MARK3: variants seen among roughly 807,000 people sequenced by gnomAD.
MARK3 encodes the protein MAP/microtubule affinity-regulating kinase 3.
A neutral mutation model predicts 90.1 loss-of-function variants in MARK3; 46 were observed. The ratio of observed to expected loss-of-function variants is 0.51; its 90% CI spans 0.40 to 0.65. The LOEUF (loss-of-function observed/expected upper bound fraction) is 0.65. Among genes scored for constraint, MARK3 ranks in the 30% least tolerant of loss-of-function variants. MARK3 has a pLI of 0.00. For missense variants in MARK3, 818 were observed against 947.2 expected, an observed-to-expected ratio of 0.86 and a Z score of 1.79; for synonymous variants, 321 against 332.6, an observed-to-expected ratio of 0.97 and a Z score of 0.38.
At chr14:103,448,321 G>T (rs1305783047) in intron 3 of MARK3, among the ~76,000 whole-genome samples, 4 of 152,078 alleles carry the variant, frequency 2.6e-5, no homozygotes, top group African/African-American at 9.7e-5. Context: ...ACATGGCCAG[G>T]TCTAATGTCA....
intron 3 of MARK3, among the ~76,000 whole-genome samples, chr14:103,446,120 A>G (rs1175644128): frequency 6.6e-6 from 1 of 152,240 alleles, no homozygotes; most frequent in African/African-American, 2.4e-5. Context: ...ATCCCAGGAA[A>G]GAAGTGAACA....
At chr14:103,471,461 C>G (rs751268761) in intron 12 of MARK3, among the ~76,000 whole-genome samples, 34 of 152,222 alleles carry the variant, frequency 2.2e-4, no homozygotes, top group Non-Finnish European at 4.7e-4. Flanking sequence ...CCTGCTGGTC[C>G]AAGCCCTGTG....
At chr14:103,405,653 A>G (rs1179803109) in intron 2 of MARK3, among the ~76,000 whole-genome samples, 2 of 151,914 alleles carry the variant, frequency 1.3e-5, no homozygotes, top group East Asian at 1.9e-4. Context: ...TATAGCTACT[A>G]TGTATTACAT....
intron 2 of MARK3, among the ~76,000 whole-genome samples, chr14:103,408,188 C>T (rs993182409): frequency 6.6e-5 from 10 of 151,612 alleles, no homozygotes; most frequent in Admixed American, 4.6e-4. Flanking sequence ...TGTTTTTTGG[C>T]GGGGGGGAGG....
chr14:103,473,202 A>G, intron 12 of MARK3, among the ~76,000 whole-genome samples: 1 of 152,176 alleles, frequency 6.6e-6, no homozygotes, highest in African/African-American at 2.4e-5. Context: ...GTAAGAGGGA[A>G]GTGGCTGTGG....
intron 1 of MARK3, among the ~76,000 whole-genome samples, chr14:103,398,069 T>C (rs1357702287): frequency 6.6e-6 from 1 of 152,230 alleles, no homozygotes; most frequent in African/African-American, 2.4e-5. Flanking sequence ...AACTGCTGAA[T>C]AGCAGTGAGA....
At chr14:103,424,414 A>G (rs1037622244) in intron 2 of MARK3, among the ~76,000 whole-genome samples, 11 of 151,010 alleles carry the variant, frequency 7.3e-5, no homozygotes, top group Non-Finnish European at 8.8e-5. Context: ...AGTTCCATCT[A>G]CTCGGGAGGC....
chr14:103,485,348 A>T (rs2093910026), intron 14 of MARK3, among the ~76,000 whole-genome samples: 2 of 142,846 alleles, frequency 1.4e-5, no homozygotes, highest in African/African-American at 5.3e-5. Flanking sequence ...ATCATAGTGT[A>T]CTGTAGCCTT....
intron 2 of MARK3, among the ~76,000 whole-genome samples, chr14:103,426,590 G>C (rs1281929646): frequency 1.3e-5 from 2 of 152,012 alleles, no homozygotes; most frequent in Non-Finnish European, 2.9e-5. Flanking sequence ...ATATTCCCTG[G>C]TCATGGCAAA....
chr14:103,413,493 G>A (rs533004376), intron 2 of MARK3, among the ~76,000 whole-genome samples: 29 of 147,370 alleles, frequency 2.0e-4, no homozygotes, highest in African/African-American at 3.3e-4. Flanking sequence ...GCGCGATCTC[G>A]GCTCACTGCA....
chr14:103,463,146 CCTT>C (rs1300417107), intron 7 of MARK3, among the ~76,000 whole-genome samples: 2 of 12,370 alleles, frequency 1.6e-4, no homozygotes, highest in Admixed American at 2.9e-3. Context: ...AGTCTATATA[CCTT>C]TTTTTTTTTT....
chr14:103,488,982 A>G (rs1595914804), intron 14 of MARK3, among the ~76,000 whole-genome samples: 1 of 152,230 alleles, frequency 6.6e-6, no homozygotes, highest in South Asian at 2.1e-4. Context: ...TTTGTTGAAT[A>G]CCTGCCCTGC....
chr14:103,491,059 A>C, intron 14 of MARK3: 1 of 1,288,340 alleles, frequency 7.8e-7, no homozygotes, highest in South Asian at 1.2e-5. Flanking sequence ...GGGCACCCCA[A>C]GATGATGTTA....
chr14:103,460,355 G>C (rs1378616155), intron 6 of MARK3, among the ~76,000 whole-genome samples: 2 of 151,990 alleles, frequency 1.3e-5, no homozygotes, highest in Non-Finnish European at 2.9e-5. Context: ...AAAGTGCTGG[G>C]ATTACAGGCG....
chr14:103,474,764 T>TA (rs150156667), intron 12 of MARK3, among the ~76,000 whole-genome samples: 6,961 of 149,534 alleles, frequency 0.047, 505 homozygotes, highest in African/African-American at 0.16. Flanking sequence ...CTCTTACTAT[T>TA]AAAAAAAAAA....
At chr14:103,427,871 C>G (rs2092461934) in intron 2 of MARK3, among the ~76,000 whole-genome samples, 2 of 152,182 alleles carry the variant, frequency 1.3e-5, no homozygotes, top group Non-Finnish European at 2.9e-5. Flanking sequence ...ACATCCTGTT[C>G]TATCAGCAGG....
At chr14:103,395,313 C>A (rs1191843996) in intron 1 of MARK3, among the ~76,000 whole-genome samples, 4 of 151,172 alleles carry the variant, frequency 2.6e-5, no homozygotes, top group African/African-American at 9.7e-5. Context: ...GACAAATTCA[C>A]TCGGCTGTGC....
intron 1 of MARK3, among the ~76,000 whole-genome samples, chr14:103,391,048 T>TA (rs1262898295): frequency 6.6e-6 from 1 of 152,140 alleles, no homozygotes; most frequent in Non-Finnish European, 1.5e-5. Context: ...TAGGAAAATT[T>TA]AAAAAAATAG....
intron 2 of MARK3, among the ~76,000 whole-genome samples, chr14:103,425,486 C>T (rs1265062777): frequency 6.6e-6 from 1 of 151,990 alleles, no homozygotes; most frequent in Non-Finnish European, 1.5e-5. Flanking sequence ...TGGTCTCGAA[C>T]TCCTGACCTC....
Sources: allele counts gnomAD v4.1 joint callset (sites outside exome capture counted in the v4.1 genomes callset), GRCh38; gene constraint gnomAD v4.1.1; transcripts MANE v1.5; gene names NCBI Gene and HGNC (gene_info 2026-07-23, HGNC 2026-07-21).